SGIP1: variants seen among roughly 807,000 people sequenced by gnomAD.
The protein encoded by SGIP1 is SH3GL interacting endocytic adaptor 1.
Under a neutral mutation model 107.5 loss-of-function variants are expected in SGIP1, and 38 were observed. The observed-to-expected ratio is 0.35, with a 90% CI of 0.27 to 0.46. The LOEUF is 0.46. Ranked by LOEUF, SGIP1 falls within the 20% of genes least tolerant of loss-of-function variation. The pLI, the probability that SGIP1 is intolerant of heterozygous loss-of-function variation, is 1.00. For synonymous variants in SGIP1, 365 were observed against 366.1 expected (o/e 1.00, Z 0.03); for missense variants, 929 against 1,019.5 (o/e 0.91, Z 1.21).
chr1:66,585,238 T>C (rs1004582938), intron 1 of SGIP1, among the ~76,000 whole-genome samples: 2 of 152,176 alleles, frequency 1.3e-5, no homozygotes, highest in African/African-American at 2.4e-5. Context: ...CATGTTCTAG[T>C]TTGTTTTGTT....
intron 1 of SGIP1, among the ~76,000 whole-genome samples, chr1:66,602,840 T>C (rs1038077572): frequency 1.3e-5 from 2 of 152,152 alleles, no homozygotes; most frequent in Admixed American, 6.5e-5. Context: ...ATTTAGCTCA[T>C]GGCAATACCA....
intron 18 of SGIP1, among the ~76,000 whole-genome samples, chr1:66,696,070 G>A (rs139276191): frequency 2.0e-5 from 3 of 152,320 alleles, no homozygotes; most frequent in East Asian, 3.9e-4. Context: ...GATGACTGCA[G>A]TAAAATGGAG....
chr1:66,635,943 G>A lies in SGIP1; in HGVS notation c.100-1G>A, dbSNP rs1379382543. ...TTCTACATGAAAACAATCAATTCCA[G>A]CAGCCCAGCCCACACGAACCACCCT... On this transcript the variant is annotated splice_acceptor_variant, in intron 3 of 24. Coordinates refer to ENST00000371037, the MANE Select transcript of SGIP1 (RefSeq NM_032291.4). LOFTEE classifies it high-confidence loss of function. 1.9e-6 allele frequency: 3 copies of A among 1,613,340 alleles called. No homozygotes were observed. Among genetic ancestry groups the A allele is most frequent in the Non-Finnish European group, 2.5e-6 (3 of 1,179,752 alleles).
At chr1:66,662,300 T>C (rs1056749516) in intron 8 of SGIP1, among the ~76,000 whole-genome samples, 2 of 152,238 alleles carry the variant, frequency 1.3e-5, no homozygotes, top group African/African-American at 4.8e-5. Flanking sequence ...TTGTAGTTTA[T>C]TGCCTATTTT....
At chr1:66,685,380 TA>T (rs2087951432) in intron 15 of SGIP1, among the ~76,000 whole-genome samples, 1 of 152,216 alleles carries the variant, frequency 6.6e-6, no homozygotes, top group South Asian at 2.1e-4. Flanking sequence ...TCAAAAGTTA[TA>T]AATACCTGTT....
Position 66,534,326 on chromosome 1 carries a change from T to C in SGIP1, c.-33T>C, listed in dbSNP as rs946441436. On this transcript the variant is annotated 5_prime_UTR_variant, in exon 1 of 25. Coordinates refer to ENST00000371037, the MANE Select transcript of SGIP1 (RefSeq NM_032291.4). ...CGTATCCTCCTGTGTTTTTTCAGACTCCTTGGAAATTAAGGAATGCAATTC... is the reference window on the plus strand; with the variant it reads ...CGTATCCTCCTGTGTTTTTTCAGACCCCTTGGAAATTAAGGAATGCAATTC... 6.2e-7 allele frequency: 1 copy of C among 1,613,728 alleles called. No individual in the cohort carries two copies. The highest frequency in any genetic ancestry group is 8.5e-7 in the Non-Finnish European group (1 of 1,179,652).
intron 7 of SGIP1, among the ~76,000 whole-genome samples, chr1:66,644,967 G>C (rs1571165252): frequency 6.6e-6 from 1 of 152,074 alleles, no homozygotes; most frequent in African/African-American, 2.4e-5. Context: ...GTGAGTTCTA[G>C]TAATGGTGGT....
chr1:66,577,207 A>G (rs1419123471), intron 1 of SGIP1, among the ~76,000 whole-genome samples: 2 of 152,010 alleles, frequency 1.3e-5, no homozygotes, highest in African/African-American at 2.4e-5. Context: ...TCATATTTCT[A>G]TTCCTCCATG....
intron 14 of SGIP1, among the ~76,000 whole-genome samples, chr1:66,680,346 A>G (rs1245318532): frequency 6.6e-6 from 1 of 152,236 alleles, no homozygotes; most frequent in East Asian, 1.9e-4. Flanking sequence ...TATTAAAATC[A>G]ATACTATGTA....
intron 7 of SGIP1, among the ~76,000 whole-genome samples, chr1:66,658,952 G>A (rs1421885588): frequency 6.6e-6 from 1 of 152,126 alleles, no homozygotes; most frequent in African/African-American, 2.4e-5. Flanking sequence ...AGCAGCATGG[G>A]CAGGAGACAG....
chr1:66,557,516 A>G (rs1187417097), intron 1 of SGIP1, among the ~76,000 whole-genome samples: 1 of 151,338 alleles, frequency 6.6e-6, no homozygotes, highest in African/African-American at 2.5e-5. Context: ...TCTCCTACAC[A>G]TGTTTGGGTC....
chr1:66,552,589 C>G (rs1172154753), intron 1 of SGIP1, among the ~76,000 whole-genome samples: 1 of 152,110 alleles, frequency 6.6e-6, no homozygotes, highest in Non-Finnish European at 1.5e-5. Flanking sequence ...GACTTTACAC[C>G]TTAACCCAAT....
chr1:66,653,501 T>C lies in SGIP1; in HGVS notation c.460-7012T>C, dbSNP rs548665285. Among the ~76,000 whole-genome samples, 3 of 152,306 alleles carry C rather than the reference T, an allele frequency of 2.0e-5. No homozygotes were observed. In the East Asian group the frequency reaches 5.8e-4, roughly 29 times the overall value. On this transcript the variant is annotated intron_variant, in intron 7 of 24. Coordinates refer to ENST00000371037, the MANE Select transcript of SGIP1 (RefSeq NM_032291.4). ...CTTCTCAGTAGATGGTATTTTGCTCTCTTCCTGAAATGTAAGGGTTAGATT... is the reference window on the plus strand; with the variant it reads ...CTTCTCAGTAGATGGTATTTTGCTCCCTTCCTGAAATGTAAGGGTTAGATT...
At chr1:66,566,299 A>G (rs907015620) in intron 1 of SGIP1, among the ~76,000 whole-genome samples, 6 of 152,030 alleles carry the variant, frequency 3.9e-5, no homozygotes, top group African/African-American at 1.4e-4. Context: ...AGGGGCCATC[A>G]ACTTTCTTAG....
Position 66,701,270 on chromosome 1 carries a change from A to G in SGIP1, c.1630+5777A>G, listed in dbSNP as rs951366894. 2.0e-5 allele frequency among the ~76,000 whole-genome samples: 3 copies of G among 152,192 alleles called. No homozygotes were observed. The East Asian group carries it at 5.8e-4, about 29-fold the overall frequency. ...TTCTGGGGAGCAATGGCTATGCTAA[A>G]TTCACATTATTCTTAAGTGGGAGGT... On this transcript the variant is annotated intron_variant, in intron 18 of 24. Transcript: ENST00000371037.
At chr1:66,683,532 C>T (rs1343710118) in intron 15 of SGIP1, among the ~76,000 whole-genome samples, 1 of 151,960 alleles carries the variant, frequency 6.6e-6, no homozygotes, top group Non-Finnish European at 1.5e-5. Flanking sequence ...AAAACCAGTG[C>T]TTTATATCTT....
chr1:66,624,629 G>A (rs2072146106), intron 1 of SGIP1, among the ~76,000 whole-genome samples: 1 of 152,058 alleles, frequency 6.6e-6, no homozygotes, highest in Admixed American at 6.6e-5. Flanking sequence ...CACATGTTTT[G>A]GAAAAATGTA....
intron 1 of SGIP1, among the ~76,000 whole-genome samples, chr1:66,550,552 G>C (rs1173367118): frequency 6.6e-6 from 1 of 152,072 alleles, no homozygotes; most frequent in African/African-American, 2.4e-5. Context: ...CTCTTAACAA[G>C]TAGATACAGC....
chr1:66,643,004 CACTGAG>C, intron 6 of SGIP1, 140 bp downstream of exon 6: 2 of 641,676 alleles, frequency 3.1e-6, no homozygotes, highest in Admixed American at 3.0e-5. Flanking sequence ...GAATAAACAG[CACTGAG>C]AACACCCTGA....
Sources: gnomAD v4.1 joint callset for allele counts (sites outside exome capture counted in the v4.1 genomes callset) on GRCh38, gnomAD v4.1.1 for gene constraint, MANE v1.5 for transcripts, NCBI Gene and HGNC (gene_info 2026-07-23, HGNC 2026-07-21) for gene names.